The following SLC11A2 variants were observed in gnomAD, a reference collection of about 807,000 sequenced individuals.
The protein encoded by SLC11A2 is solute carrier family 11 member 2, also known as natural resistance-associated macrophage protein 2.
In SLC11A2, 38 loss-of-function variants were observed where a neutral mutation model predicts 68.0. That is an observed-to-expected ratio of 0.56 (90% CI 0.43 to 0.73). The LOEUF (loss-of-function observed/expected upper bound fraction) is 0.73, where lower values mean the gene tolerates loss of function less well. SLC11A2 is among the 30% of genes least tolerant of loss of function. SLC11A2 has a pLI of 0.00. For synonymous variants in SLC11A2, 242 were observed against 250.6 expected, an observed-to-expected ratio of 0.97 and a Z score of 0.32; for missense variants, 517 against 690.5, an observed-to-expected ratio of 0.75 and a Z score of 2.82.
At position 50,991,593 on chromosome 12, in the gene SLC11A2, A is replaced by G; in HGVS notation, c.1421+6T>C. On this transcript the variant is annotated splice_donor_region_variant and intron_variant, in intron 14 of 15. Transcript: ENST00000262052. ...CCCCTTTGGGAACGAAGAGGAGTACACTCACAGTCCATTGGCAAAGTCACT... is the reference window on the plus strand; with the variant it reads ...CCCCTTTGGGAACGAAGAGGAGTACGCTCACAGTCCATTGGCAAAGTCACT... 1 of 1,612,678 alleles carries G rather than the reference A, an allele frequency of 6.2e-7. No individual in the cohort carries two copies. Among genetic ancestry groups the G allele is most frequent in the Non-Finnish European group, 8.5e-7 (1 of 1,178,912 alleles).
At chr12:50,967,051 T>C in the SLC11A2 span, among the ~76,000 whole-genome samples, 3 of 151,742 alleles carry the variant, frequency 2.0e-5, no homozygotes, top group East Asian at 1.9e-4. Flanking sequence ...GAGGCAGAGG[T>C]TGCAGTAGGC....
At position 50,999,431 on chromosome 12, in the gene SLC11A2, G is replaced by C; in HGVS notation, c.537-16C>G. On this transcript the variant is annotated splice_polypyrimidine_tract_variant and intron_variant, in intron 6 of 15. Transcript: ENST00000262052. ...CAGAGGAATTCTAGGTCAGAGATGA[G>C]ATATGGAAGTCAGAGAGACGGAAAG... 6.3e-7 allele frequency: 1 copy of C among 1,591,852 alleles called. No individual in the cohort carries two copies. Among genetic ancestry groups the C allele is most frequent in the African/African-American group, 1.3e-5 (1 of 74,612 alleles).
intron 1 of SLC11A2, among the ~76,000 whole-genome samples, chr12:51,022,017 A>G (rs1433896102): frequency 1.3e-5 from 2 of 152,158 alleles, no homozygotes; most frequent in East Asian, 3.8e-4. Context: ...AGCACTCTTG[A>G]GGCTTAACCA....
At chr12:50,989,307 T>C (rs1357524860) in intron 15 of SLC11A2, among the ~76,000 whole-genome samples, 4 of 152,088 alleles carry the variant, frequency 2.6e-5, no homozygotes, top group South Asian at 2.1e-4. Context: ...CTGGCCAACA[T>C]GGCAAAACCC....
intron 1 of SLC11A2, among the ~76,000 whole-genome samples, chr12:51,021,207 T>C (rs1474772498): frequency 6.6e-6 from 1 of 152,232 alleles, no homozygotes; most frequent in Non-Finnish European, 1.5e-5. Flanking sequence ...GACTTAAGCA[T>C]CATCCCAGGA....
chr12:51,004,958 T>C (rs1220418115), intron 4 of SLC11A2, 51 bp from the exon 5 acceptor site: 3 of 1,606,600 alleles, frequency 1.9e-6, no homozygotes, highest in Non-Finnish European at 2.6e-6. Context: ...TGAGTTTTTG[T>C]CTGTTTGTTT....
the SLC11A2 span, among the ~76,000 whole-genome samples, chr12:50,957,683 G>A: frequency 1.3e-5 from 2 of 151,720 alleles, no homozygotes; most frequent in Admixed American, 6.6e-5. Flanking sequence ...TAAGGAGTTC[G>A]AGACCAGCCT....
Position 51,026,291 on chromosome 12 carries a change from G to C in SLC11A2, c.-39+19C>G. 1 of 1,244,884 alleles carries C rather than the reference G, an allele frequency of 8.0e-7. No individual in the cohort carries two copies. Among genetic ancestry groups the C allele is most frequent in the Non-Finnish European group, 1.0e-6 (1 of 952,956 alleles). The allele number at this position is 1,244,884 out of a possible 1,614,324, so 77.1% of individuals were successfully genotyped here. On this transcript the variant is annotated intron_variant, in intron 1 of 15. Transcript: ENST00000262052. ...CAGCGAGCGGAATGCCGTGACCCCT[G>C]ACCTTGCCTTCCCCTCACCTTACCA...
chr12:50,990,759 G>A, intron 15 of SLC11A2, 36 bp downstream of exon 15: 2 of 1,611,450 alleles, frequency 1.2e-6, no homozygotes, highest in Non-Finnish European at 1.7e-6. Flanking sequence ...AACCATCCCT[G>A]ATACCTATGC....
Position 51,011,350 on chromosome 12 carries a change from G to C in SLC11A2, c.-38-584C>G, listed in dbSNP as rs867218101. 4.6e-5 allele frequency among the ~76,000 whole-genome samples: 7 copies of C among 151,912 alleles called. No homozygotes were observed. In the Middle Eastern group the frequency reaches 0.01, roughly 221 times the overall value. On this transcript the variant is annotated intron_variant, in intron 1 of 15. Coordinates refer to ENST00000262052, the MANE Select transcript of SLC11A2 (RefSeq NM_000617.3). Reference sequence around the variant, plus strand: ...TCACCGTGTTAGCCAGGATGGTCTCGATCTGCTGACCTCGTGATCCGCCCG... The same window carrying C: ...TCACCGTGTTAGCCAGGATGGTCTCCATCTGCTGACCTCGTGATCCGCCCG...
chr12:50,972,275 G>GT, the SLC11A2 span, among the ~76,000 whole-genome samples: 2 of 152,176 alleles, frequency 1.3e-5, no homozygotes, highest in African/African-American at 4.8e-5. Flanking sequence ...ACAAAACCCA[G>GT]TAAGTTCCAC....
At chr12:51,017,567 T>C (rs1943748201) in intron 1 of SLC11A2, among the ~76,000 whole-genome samples, 1 of 152,174 alleles carries the variant, frequency 6.6e-6, no homozygotes, top group Non-Finnish European at 1.5e-5. Context: ...CTGTATACCT[T>C]TTGCACATAA....
intron 2 of SLC11A2, 101 bp from the exon 3 acceptor site, chr12:51,008,725 C>T (rs1215354783): frequency 6.8e-6 from 6 of 877,406 alleles, no homozygotes; most frequent in African/African-American, 3.3e-5. Flanking sequence ...TATCTAAATG[C>T]ACAAGAGACC....
the SLC11A2 span, among the ~76,000 whole-genome samples, chr12:50,968,042 C>T: frequency 6.6e-6 from 1 of 152,028 alleles, no homozygotes; most frequent in Non-Finnish European, 1.5e-5. Context: ...GCCTTGCTCA[C>T]GCCACTGCAC....
At position 50,986,399 on chromosome 12, in the gene SLC11A2, T is replaced by C; in HGVS notation, c.*1926A>G. Reference sequence around the variant, plus strand: ...ACTGTGAAGTACACACATAATATTATAAAATGCCATTTAATTGGAAGGAGT... The same window carrying C: ...ACTGTGAAGTACACACATAATATTACAAAATGCCATTTAATTGGAAGGAGT... On this transcript the variant is annotated 3_prime_UTR_variant, in exon 16 of 16. Transcript: ENST00000262052. 1 of 1,280,960 alleles carries C rather than the reference T, an allele frequency of 7.8e-7. No homozygotes were observed. The highest frequency in any genetic ancestry group is 1.0e-6 in the Non-Finnish European group (1 of 983,332). 79.3% of individuals were successfully genotyped at this position (1,280,960 alleles called of 1,614,324 possible). A position where few individuals can be genotyped will look rare whatever the true frequency, so the allele number is the denominator to read the frequency against.
chr12:50,967,294 C>A, the SLC11A2 span, among the ~76,000 whole-genome samples: 3 of 151,638 alleles, frequency 2.0e-5, no homozygotes, highest in African/African-American at 7.3e-5. Context: ...TACAGGTATG[C>A]ATCATCATGT....
chr12:50,968,857 T>C, the SLC11A2 span, among the ~76,000 whole-genome samples: 1 of 151,316 alleles, frequency 6.6e-6, no homozygotes, highest in Non-Finnish European at 1.5e-5. Context: ...TTTTTTATTT[T>C]TTTGTAGAAA....
chr12:51,028,277 A>G, upstream of SLC11A2: 1 of 1,416,766 alleles, frequency 7.1e-7, no homozygotes, highest in Non-Finnish European at 9.6e-7. Context: ...TCTATATATG[A>G]AGACAAGTGC....
chr12:51,020,483 C>G (rs1186312887), intron 1 of SLC11A2, among the ~76,000 whole-genome samples: 1 of 152,194 alleles, frequency 6.6e-6, no homozygotes, highest in Non-Finnish European at 1.5e-5. Context: ...CTCTAATCCC[C>G]TCTACTCAAG....
Sources: allele counts gnomAD v4.1 joint callset (sites outside exome capture counted in the v4.1 genomes callset), GRCh38; gene constraint gnomAD v4.1.1; transcripts MANE v1.5; gene names NCBI Gene and HGNC (gene_info 2026-07-23, HGNC 2026-07-21).